CSMD1: variants seen among roughly 807,000 people sequenced by gnomAD.
CSMD1 encodes the protein CUB and sushi domain-containing protein 1.
In CSMD1, 213 loss-of-function variants were observed where a neutral mutation model predicts 417.5. The observed-to-expected ratio is 0.51, with a 90% CI of 0.46 to 0.57. CSMD1 has a LOEUF of 0.57. CSMD1 is among the 20% of genes least tolerant of loss of function. The pLI, the probability that CSMD1 is intolerant of heterozygous loss-of-function variation, is 0.00. For missense variants in CSMD1, 6,923 were observed against 4,529.7 expected (o/e 1.53, Z -15.17); for synonymous variants, 2,862 against 1,736.8 (o/e 1.65, Z -16.11).
At chr8:3,173,260 G>A (rs911470174) in intron 37 of CSMD1, among the ~76,000 whole-genome samples, 2 of 152,090 alleles carry the variant, frequency 1.3e-5, no homozygotes, top group Admixed American at 1.3e-4. Flanking sequence ...AATAAATATT[G>A]AATGCCTAAA....
At chr8:3,680,275 T>C (rs569714228) in intron 7 of CSMD1, among the ~76,000 whole-genome samples, 7 of 152,036 alleles carry the variant, frequency 4.6e-5, no homozygotes, top group South Asian at 2.1e-4. Context: ...ATCAACAAAA[T>C]TGATAGACCA....
chr8:3,691,881 C>G (rs139392005), intron 7 of CSMD1, among the ~76,000 whole-genome samples: 3 of 152,230 alleles, frequency 2.0e-5, no homozygotes, highest in African/African-American at 4.8e-5. Flanking sequence ...GAATCTATGA[C>G]TTCTATGGCT....
intron 3 of CSMD1, among the ~76,000 whole-genome samples, chr8:4,184,135 A>C (rs1361080775): frequency 6.6e-6 from 1 of 152,244 alleles, no homozygotes; most frequent in Non-Finnish European, 1.5e-5. Context: ...ACTTCATTAA[A>C]ATATATAAAT....
intron 26 of CSMD1, among the ~76,000 whole-genome samples, chr8:3,262,220 T>TACACACACACAC (rs1801130762): frequency 8.9e-6 from 1 of 111,832 alleles, no homozygotes; most frequent in Non-Finnish European, 1.9e-5. Flanking sequence ...TATATATATA[T>TACACACACACAC]ATATATATAT....
intron 1 of CSMD1, among the ~76,000 whole-genome samples, chr8:4,873,223 T>G (rs1438660295): frequency 6.6e-6 from 1 of 152,114 alleles, no homozygotes; most frequent in Non-Finnish European, 1.5e-5. Flanking sequence ...TGGGGTTTGG[T>G]GGTGGGAATT....
intron 50 of CSMD1, among the ~76,000 whole-genome samples, chr8:3,038,283 T>A (rs1175036479): frequency 1.3e-5 from 2 of 152,192 alleles, no homozygotes; most frequent in African/African-American, 4.8e-5. Flanking sequence ...GAGTTCAATA[T>A]CAAAGCTACT....
chr8:3,433,457 T>A (rs548447051), intron 12 of CSMD1, among the ~76,000 whole-genome samples: 66 of 152,340 alleles, frequency 4.3e-4, no homozygotes, highest in Admixed American at 7.8e-4. Context: ...TTTTTCTTTA[T>A]TTGTGGTTGG....
At chr8:4,713,247 T>G (rs868413273) in intron 1 of CSMD1, among the ~76,000 whole-genome samples, 1 of 152,238 alleles carries the variant, frequency 6.6e-6, no homozygotes, top group Non-Finnish European at 1.5e-5. Flanking sequence ...ATTACTCAAG[T>G]ACAGAAGGAA....
chr8:4,979,148 G>C (rs10101412), intron 1 of CSMD1, among the ~76,000 whole-genome samples: 97,946 of 151,976 alleles, frequency 0.64, 32,258 homozygotes, highest in Middle Eastern at 0.8. Context: ...TTGTATTCAA[G>C]CTAAATTTCA....
At chr8:4,561,001 T>C (rs1255903363) in intron 2 of CSMD1, among the ~76,000 whole-genome samples, 1 of 152,236 alleles carries the variant, frequency 6.6e-6, no homozygotes, top group Non-Finnish European at 1.5e-5. Context: ...TCTTACACAG[T>C]GCTTTGTGTG....
At chr8:3,802,356 G>C (rs1371414373) in intron 5 of CSMD1, among the ~76,000 whole-genome samples, 2 of 152,044 alleles carry the variant, frequency 1.3e-5, no homozygotes, top group Non-Finnish European at 2.9e-5. Context: ...GTATATGTGT[G>C]CATGTGCTTA....
At chr8:3,874,374 A>G (rs189464533) in intron 5 of CSMD1, among the ~76,000 whole-genome samples, 1 of 152,308 alleles carries the variant, frequency 6.6e-6, no homozygotes, top group East Asian at 1.9e-4. Flanking sequence ...GAACTCTTTA[A>G]AGACGTACTT....
At chr8:4,806,047 G>A (rs555773050) in intron 1 of CSMD1, among the ~76,000 whole-genome samples, 6 of 152,152 alleles carry the variant, frequency 3.9e-5, no homozygotes, top group Admixed American at 6.5e-5. Flanking sequence ...GTGAGATGAC[G>A]GAAACCCGGA....
chr8:3,194,546 G>A lies in CSMD1; in HGVS notation c.5195-4431C>T, dbSNP rs138585876. On this transcript the variant is annotated intron_variant, in intron 33 of 69. Transcript: ENST00000635120. ...GATCTAGGCTCACTACAATCTCCAC[G>A]TCCCAGGTTCAAGCAATTCTCCTGC... Among the ~76,000 whole-genome samples, 679 of 151,002 alleles carry A rather than the reference G, an allele frequency of 4.5e-3. 4 individuals are homozygous for A. The highest frequency in any genetic ancestry group is 0.015 in the African/African-American group (607 of 41,154).
intron 3 of CSMD1, among the ~76,000 whole-genome samples, chr8:4,035,485 G>A (rs1019285416): frequency 1.4e-4 from 22 of 152,302 alleles, no homozygotes; most frequent in African/African-American, 5.3e-4. Flanking sequence ...GGAGATGAAA[G>A]CTCCATACCT....
chr8:3,814,230 T>A (rs1415217976), intron 5 of CSMD1, among the ~76,000 whole-genome samples: 1 of 152,176 alleles, frequency 6.6e-6, no homozygotes, highest in Non-Finnish European at 1.5e-5. Context: ...TCGTCTGCAT[T>A]CTGAATAGAA....
chr8:3,620,797 G>A (rs574697879), intron 7 of CSMD1, among the ~76,000 whole-genome samples: 99 of 152,218 alleles, frequency 6.5e-4, no homozygotes, highest in African/African-American at 2.3e-3. Context: ...CAACAAAATG[G>A]TAAAAGTCAG....
intron 7 of CSMD1, among the ~76,000 whole-genome samples, chr8:3,639,659 A>G (rs1048418751): frequency 2.0e-5 from 3 of 152,242 alleles, no homozygotes; most frequent in African/African-American, 7.2e-5. Context: ...GTATCAAAAC[A>G]TAAGTGGAAT....
At chr8:3,715,205 A>G (rs1295709604) in intron 6 of CSMD1, among the ~76,000 whole-genome samples, 1 of 152,162 alleles carries the variant, frequency 6.6e-6, no homozygotes, top group Non-Finnish European at 1.5e-5. Flanking sequence ...GTATAGTTAA[A>G]CACCCTAAGA....
Sources: allele counts gnomAD v4.1 joint callset (sites outside exome capture counted in the v4.1 genomes callset), GRCh38; gene constraint gnomAD v4.1.1; transcripts MANE v1.5; gene names NCBI Gene and HGNC (gene_info 2026-07-23, HGNC 2026-07-21).